Variants in ABCC9 observed in about 807,000 individuals in gnomAD.
ABCC9 encodes the protein ATP binding cassette subfamily C member 9.
ABCC9 carries 95 observed loss-of-function variants against 188.3 expected under a neutral mutation model. That is an observed-to-expected ratio of 0.50 (90% CI 0.43 to 0.60). ABCC9 has a LOEUF of 0.60. Ranked by LOEUF, ABCC9 falls within the 20% of genes least tolerant of loss-of-function variation. The pLI, the probability that ABCC9 is intolerant of heterozygous loss-of-function variation, is 0.00. For missense variants in ABCC9, 1,102 were observed against 1,876.3 expected, an observed-to-expected ratio of 0.59 and a Z score of 7.62; for synonymous variants, 659 against 652.7, an observed-to-expected ratio of 1.01 and a Z score of -0.15.
At chr12:21,861,314 T>C (rs1157236002) in intron 20 of ABCC9, among the ~76,000 whole-genome samples, 1 of 150,696 alleles carries the variant, frequency 6.6e-6, no homozygotes. Context: ...CACTGCAACC[T>C]CTGCCACCTG....
At chr12:21,813,850 A>G (rs1942427084) in intron 35 of ABCC9, among the ~76,000 whole-genome samples, 1 of 152,142 alleles carries the variant, frequency 6.6e-6, no homozygotes, top group African/African-American at 2.4e-5. Context: ...TCAATAATAT[A>G]AACTGTCAAG....
chr12:21,828,664 G>T, intron 31 of ABCC9: 1 of 393,710 alleles, frequency 2.5e-6, no homozygotes, highest in Non-Finnish European at 4.8e-6. Flanking sequence ...GTGCTCTTTT[G>T]GAAAAAAAAA....
chr12:21,811,926 T>A lies in ABCC9; in HGVS notation c.4211+123A>T, dbSNP rs150039628. The A allele has an allele frequency of 1.2e-3, 834 of 720,460 alleles. 4 individuals carry two copies. In the African/African-American group the frequency reaches 0.014, roughly 12 times the overall value. 44.6% of individuals were successfully genotyped at this position (720,460 alleles called of 1,614,324 possible). On this transcript the variant is annotated intron_variant, in intron 36 of 39. Coordinates refer to ENST00000261200, the MANE Select transcript of ABCC9 (RefSeq NM_020297.4). Reference sequence around the variant, plus strand: ...TTCCAATCCAAATTGTTGGATGGTATATTTGATTTTATTGCCTTGATATCA... The same window carrying A: ...TTCCAATCCAAATTGTTGGATGGTAAATTTGATTTTATTGCCTTGATATCA...
At chr12:21,919,042 A>G (rs767819010) in intron 5 of ABCC9, among the ~76,000 whole-genome samples, 2 of 152,140 alleles carry the variant, frequency 1.3e-5, no homozygotes, top group Non-Finnish European at 2.9e-5. Flanking sequence ...AAATTCAAGA[A>G]GTACAACTAA....
At chr12:21,925,618 T>G in intron 5 of ABCC9, 1 of 664,164 alleles carries the variant, frequency 1.5e-6, no homozygotes, top group Non-Finnish European at 2.7e-6. Flanking sequence ...ACAAGAGCTC[T>G]GATTCTTAAA....
chr12:21,822,750 C>T (rs1351127983), intron 31 of ABCC9, among the ~76,000 whole-genome samples: 2 of 145,864 alleles, frequency 1.4e-5, no homozygotes, highest in African/African-American at 2.6e-5. Flanking sequence ...GAGATCATGC[C>T]ACTGCACTCT....
intron 13 of ABCC9, 115 bp from the exon 14 acceptor site, chr12:21,894,289 A>G (rs1034010931): frequency 5.8e-6 from 7 of 1,210,260 alleles, no homozygotes; most frequent in Non-Finnish European, 8.5e-6. Context: ...TGTAACTATG[A>G]TAACAATGAC....
intron 7 of ABCC9, 87 bp from the exon 8 acceptor site, chr12:21,913,153 TCTTATA>T (rs1265668942): frequency 1.7e-6 from 2 of 1,174,008 alleles, no homozygotes; most frequent in Non-Finnish European, 2.4e-6. Context: ...GGAAATTCCT[TCTTATA>T]CTTCAAAAAT....
At position 21,933,757 on chromosome 12, in the gene ABCC9, G is replaced by A. The variant is rs769273549; in HGVS notation, c.284+25C>T. 9 of 1,611,982 alleles carry A rather than the reference G, an allele frequency of 5.6e-6. No homozygotes were observed. In the East Asian group the frequency reaches 2.0e-4, roughly 36 times the overall value. ...ATATACCCACTGGTATACTGCAGTG[G>A]TATTATTTAACTTAGATCACTTACG... On this transcript the variant is annotated intron_variant, in intron 4 of 39. Coordinates refer to ENST00000261200, the MANE Select transcript of ABCC9 (RefSeq NM_020297.4).
chr12:21,817,111 A>G, intron 33 of ABCC9, 76 bp downstream of exon 33: 1 of 1,529,864 alleles, frequency 6.5e-7, no homozygotes, highest in Non-Finnish European at 9.0e-7. Context: ...AAGCAGAAAC[A>G]ACAATGTGCC....
At chr12:21,878,708 T>A (rs1251437521) in intron 16 of ABCC9, among the ~76,000 whole-genome samples, 3 of 152,146 alleles carry the variant, frequency 2.0e-5, no homozygotes, top group Non-Finnish European at 1.5e-5. Context: ...AGGGAAAGGT[T>A]ATGGTCTGAA....
At chr12:21,814,587 T>C in intron 35 of ABCC9, 57 bp downstream of exon 35, 1 of 1,391,668 alleles carries the variant, frequency 7.2e-7, no homozygotes, top group Non-Finnish European at 1.0e-6. Context: ...GGTAAATTGA[T>C]GTTTTTTTAA....
chr12:21,928,417 AAAG>A (rs1407155707), intron 4 of ABCC9, among the ~76,000 whole-genome samples: 1 of 147,194 alleles, frequency 6.8e-6, no homozygotes, highest in African/African-American at 2.6e-5. Flanking sequence ...GGAAGGAAGG[AAAG>A]AAGAAAGAAA....
In ABCC9 at chr12:21,912,930, A is replaced by G; in HGVS notation, c.953T>C (p.Ile318Thr). 2 of 1,613,740 alleles carry G rather than the reference A, an allele frequency of 1.2e-6. No individual in the cohort carries two copies. Among genetic ancestry groups the G allele is most frequent in the Non-Finnish European group, 1.7e-6 (2 of 1,179,750 alleles). The change falls in exon 8 of 40, where the codon ATT (isoleucine) becomes ACT (threonine). Residue 318 changes from isoleucine (I) to threonine (T), a missense_variant. By Grantham distance (89) the Ile-to-Thr change is moderately conservative. This residue lies in a region of ABCC9 where 305 missense variants were observed against 573.0 expected (regional missense o/e 0.53). Transcript: ENST00000261200. ...ATTCACACGCTGAACTATTCCAGAA[A>G]TACAAAGAGGTCCAGCAAAACCCAG... is the stretch of plus-strand genomic sequence containing the variant. ...DLLGFAGPLCISGIVQRVNET... is the reference protein window; with the variant it reads ...DLLGFAGPLCTSGIVQRVNET...
chr12:21,835,522 G>A (rs1944025305), intron 30 of ABCC9, among the ~76,000 whole-genome samples: 1 of 152,124 alleles, frequency 6.6e-6, no homozygotes, highest in African/African-American at 2.4e-5. Context: ...GATAGGCACT[G>A]GTTAGCCAAA....
At position 21,842,445 on chromosome 12, in the gene ABCC9, TAG is replaced by T; in HGVS notation, c.3340_3341del (p.Leu1114AsnfsTer44). 1 of 1,614,040 alleles carries T rather than the reference TAG, an allele frequency of 6.2e-7. No individual in the cohort carries two copies. The highest frequency in any genetic ancestry group is 8.5e-7 in the Non-Finnish European group (1 of 1,179,968). On this transcript the variant is annotated frameshift_variant, in exon 29 of 40. Transcript: ENST00000261200. LOFTEE classifies it high-confidence loss of function. ...DQHIPPTLESLTRSTLLCLSA... is the reference protein window; with the variant it reads ...DQHIPPTLESXTRSTLLCLSA... ...ACAGGCAGAGCAGTGTTGAGCGAGT[TAG>T]AGATTCCAAGGTTGGAGGGATGTGC...
At chr12:21,825,939 C>CA (rs374486031) in intron 31 of ABCC9, among the ~76,000 whole-genome samples, 10 of 152,002 alleles carry the variant, frequency 6.6e-5, no homozygotes, top group African/African-American at 2.4e-4. Flanking sequence ...TAAAACTAGG[C>CA]ATAAAGAGGA....
At chr12:21,878,007 G>T (rs966600064) in intron 16 of ABCC9, among the ~76,000 whole-genome samples, 1 of 3,464 alleles carries the variant, frequency 2.9e-4, no homozygotes, top group African/African-American at 9.2e-4. Flanking sequence ...GGTTTCAATG[G>T]TGTTAAAAAA....
At chr12:21,862,302 G>A (rs913306673) in intron 20 of ABCC9, among the ~76,000 whole-genome samples, 29 of 151,980 alleles carry the variant, frequency 1.9e-4, no homozygotes, top group Non-Finnish European at 2.8e-4. Flanking sequence ...CAACTATCTG[G>A]TCTCAGCCTC....
Sources: gnomAD v4.1 joint callset for allele counts (sites outside exome capture counted in the v4.1 genomes callset) on GRCh38, gnomAD v4.1.1 for gene constraint, gnomAD v4.1.1 regional missense constraint, MANE v1.5 for transcripts, NCBI Gene and HGNC (gene_info 2026-07-23, HGNC 2026-07-21) for gene names.